BCL2L13: variants seen among roughly 807,000 people sequenced by gnomAD.
BCL2L13 encodes bcl-2-like protein 13.
BCL2L13 carries 13 observed loss-of-function variants against 25.8 expected under a neutral mutation model. That is an observed-to-expected ratio of 0.50 (90% CI 0.33 to 0.80). The LOEUF is 0.80. Among genes scored for constraint, BCL2L13 ranks in the 30% least tolerant of loss-of-function variants. The probability of loss-of-function intolerance (pLI) is 0.02; values close to 1 mark genes in which losing one functional copy is unlikely to be tolerated. For synonymous variants in BCL2L13, 244 were observed against 230.3 expected, an observed-to-expected ratio of 1.06 and a Z score of -0.54; for missense variants, 504 against 574.9, an observed-to-expected ratio of 0.88 and a Z score of 1.26.
chr22:17,642,482 T>C (rs1196880571), intron 1 of BCL2L13, among the ~76,000 whole-genome samples: 1 of 152,172 alleles, frequency 6.6e-6, no homozygotes, highest in Non-Finnish European at 1.5e-5. Context: ...TCACTTAGCA[T>C]AATGTTTTCA....
chr22:17,639,533 C>T (rs2058192238), intron 1 of BCL2L13, among the ~76,000 whole-genome samples: 1 of 152,148 alleles, frequency 6.6e-6, no homozygotes, highest in Non-Finnish European at 1.5e-5. Context: ...AGGCTCTAAC[C>T]TAGCGTTGAA....
chr22:17,713,393 A>T (rs753224436), intron 6 of BCL2L13, among the ~76,000 whole-genome samples: 1 of 152,118 alleles, frequency 6.6e-6, no homozygotes, highest in African/African-American at 2.4e-5. Flanking sequence ...GTATTGTAGA[A>T]TATAGAGCCC....
intron 1 of BCL2L13, among the ~76,000 whole-genome samples, chr22:17,651,693 T>C (rs768326615): frequency 1.3e-4 from 19 of 149,636 alleles, no homozygotes; most frequent in Non-Finnish European, 2.1e-4. Context: ...TAGACCTTTC[T>C]TAAAGACTTT....
chr22:17,669,045 T>G (rs1412880461), intron 2 of BCL2L13, among the ~76,000 whole-genome samples: 1 of 146,924 alleles, frequency 6.8e-6, no homozygotes, highest in Admixed American at 6.8e-5. Context: ...TTTTTTTTTT[T>G]TTTTTGAGAC....
At chr22:17,689,407 C>G (rs2060038130) in intron 4 of BCL2L13, among the ~76,000 whole-genome samples, 1 of 152,156 alleles carries the variant, frequency 6.6e-6, no homozygotes, top group Admixed American at 6.6e-5. Context: ...AATGCTTTTA[C>G]CAAGTAGTAA....
chr22:17,700,704 A>G (rs2060407836), intron 5 of BCL2L13, among the ~76,000 whole-genome samples: 1 of 152,204 alleles, frequency 6.6e-6, no homozygotes, highest in Non-Finnish European at 1.5e-5. Context: ...TCTTCTTTAT[A>G]GCCCTATACT....
intron 1 of BCL2L13, among the ~76,000 whole-genome samples, chr22:17,652,485 C>A (rs1241987285): frequency 1.3e-5 from 2 of 152,148 alleles, no homozygotes; most frequent in African/African-American, 4.8e-5. Context: ...GTTGCCCAAG[C>A]TGGAGTGCAG....
At chr22:17,717,029 C>T (rs750406823) in intron 6 of BCL2L13, among the ~76,000 whole-genome samples, 1 of 152,198 alleles carries the variant, frequency 6.6e-6, no homozygotes, top group Non-Finnish European at 1.5e-5. Flanking sequence ...TTCTTCACCC[C>T]CTGTCCTATG....
At chr22:17,724,101 G>A (rs1015448371) in intron 6 of BCL2L13, among the ~76,000 whole-genome samples, 6 of 151,810 alleles carry the variant, frequency 4.0e-5, no homozygotes, top group Admixed American at 6.6e-5. Flanking sequence ...AGAGAGACCC[G>A]TCTCTACAAA....
chr22:17,696,198 C>T lies in BCL2L13; in HGVS notation c.444C>T (p.Ser148=), dbSNP rs747156111. 2.5e-6 allele frequency: 4 copies of T among 1,613,234 alleles called. No individual in the cohort carries two copies. The highest frequency in any genetic ancestry group is 1.7e-5 in the Admixed American group (1 of 60,010). The change falls in exon 5 of 7, where the codon AGC becomes AGT. Residue 148 remains serine, a synonymous_variant. Coordinates refer to ENST00000317582, the MANE Select transcript of BCL2L13 (RefSeq NM_015367.4). ...CACTGGAGACCACAGTTCATGCCAGCGGCTGGAATAAGGTATCATCACAAT... is the reference window on the plus strand; with the variant it reads ...CACTGGAGACCACAGTTCATGCCAGTGGCTGGAATAAGGTATCATCACAAT... ...ECTLETTVHA[S]GWNKILVPLV...
chr22:17,698,577 A>G (rs1479227192), intron 5 of BCL2L13, among the ~76,000 whole-genome samples: 1 of 150,086 alleles, frequency 6.7e-6, no homozygotes, highest in Non-Finnish European at 1.5e-5. Flanking sequence ...AAAAAAAAAA[A>G]GCCATACATG....
chr22:17,679,416 C>T (rs1193393757), intron 2 of BCL2L13, among the ~76,000 whole-genome samples: 1 of 151,760 alleles, frequency 6.6e-6, no homozygotes, highest in East Asian at 1.9e-4. Context: ...ATTACAGGCG[C>T]CTGCCACCAT....
At chr22:17,652,540 G>A (rs2058722571) in intron 1 of BCL2L13, among the ~76,000 whole-genome samples, 1 of 152,060 alleles carries the variant, frequency 6.6e-6, no homozygotes. Flanking sequence ...CTGGGTTCAA[G>A]CAATTCTCCT....
chr22:17,709,001 C>T (rs763431536), intron 6 of BCL2L13, among the ~76,000 whole-genome samples: 4 of 152,022 alleles, frequency 2.6e-5, no homozygotes, highest in Admixed American at 6.6e-5. Context: ...TTTGGGAGGC[C>T]GAGGTGGGTG....
At chr22:17,662,517 T>G (rs1374359985) in intron 2 of BCL2L13, among the ~76,000 whole-genome samples, 1 of 151,816 alleles carries the variant, frequency 6.6e-6, no homozygotes, top group East Asian at 1.9e-4. Flanking sequence ...TGAATTAGTC[T>G]TCTTCATTAA....
upstream of BCL2L13, chr22:17,638,007 T>A (rs530410210): frequency 2.6e-5 from 4 of 152,360 alleles, no homozygotes; most frequent in African/African-American, 9.6e-5. Context: ...CTCAGTCTTC[T>A]AACTCCTTAT....
chr22:17,688,336 T>A (rs1055855506), intron 3 of BCL2L13, among the ~76,000 whole-genome samples: 2 of 152,318 alleles, frequency 1.3e-5, no homozygotes, highest in East Asian at 3.9e-4. Context: ...AATATTAAGG[T>A]TGAAAGTTCA....
chr22:17,656,430 AAC>A (rs2058867633), intron 2 of BCL2L13, among the ~76,000 whole-genome samples: 1 of 120,018 alleles, frequency 8.3e-6, no homozygotes, highest in Non-Finnish European at 1.6e-5. Flanking sequence ...GGCTCACTGC[AAC>A]CTCCACCTTC....
intron 6 of BCL2L13, among the ~76,000 whole-genome samples, chr22:17,715,120 TTTTATATATATATATATATA>T (rs1227489297): frequency 9.3e-4 from 78 of 83,604 alleles, no homozygotes; most frequent in African/African-American, 2.6e-3. Flanking sequence ...TCAGTGTTAA[TTTTATATATATATATATATA>T]TATATATATA....
Sources: allele counts gnomAD v4.1 joint callset (sites outside exome capture counted in the v4.1 genomes callset), GRCh38; gene constraint gnomAD v4.1.1; transcripts MANE v1.5; gene names NCBI Gene and HGNC (gene_info 2026-07-23, HGNC 2026-07-21).